The following CASK variants were observed in gnomAD, a reference collection of about 807,000 sequenced individuals.
CASK encodes calcium/calmodulin dependent serine protein kinase.
CASK carries 4 observed loss-of-function variants against 82.9 expected under a neutral mutation model. That is an observed-to-expected ratio of 0.05 (90% CI 0.02 to 0.11). The LOEUF (loss-of-function observed/expected upper bound fraction) is 0.11. Ranked by LOEUF, CASK falls within the 10% of genes least tolerant of loss-of-function variation. The pLI is 1.00. For synonymous variants in CASK, 259 were observed against 253.5 expected (o/e 1.02, Z -0.20); for missense variants, 358 against 720.9 (o/e 0.50, Z 5.76).
In CASK at chrX:41,910,081, G is replaced by A. The variant is rs555896312; in HGVS notation, c.59+12849C>T. Among the ~76,000 whole-genome samples the A allele has an allele frequency of 4.5e-5, 5 of 111,111 alleles. No individual in the cohort carries two copies. The South Asian group carries it at 1.9e-3, about 42-fold the overall frequency. ...TACTAAAAATACAAGACTAAGCCGG[G>A]CGTGGTGGTGCACATGTGTAGTCCC... On this transcript the variant is annotated intron_variant, in intron 1 of 26. Transcript: ENST00000378163.
chrX:41,760,680 T>C (rs1324991902), intron 3 of CASK, among the ~76,000 whole-genome samples: 1 of 111,150 alleles, frequency 9.0e-6, no homozygotes, highest in African/African-American at 3.3e-5. Context: ...GTTAGTTAAA[T>C]GGCCCCAGTT....
rs1341850264 is a variant in CASK at position 41,517,714 on chromosome X, AAAG to A, written c.*2703_*2705del. ...GTTCTGCTGATGGAATGGAAGCAGT[AAAG>A]AAGCTTTTAGCAATTTTCTCTGATT... is the stretch of plus-strand genomic sequence containing the variant. On this transcript the variant is annotated 3_prime_UTR_variant, in exon 27 of 27. Transcript: ENST00000378163. The A allele has an allele frequency of 1.8e-6, 1 of 568,309 alleles. No individual in the cohort carries two copies. The highest frequency in any genetic ancestry group is 2.3e-5 in the African/African-American group (1 of 43,573). The allele number at this position is 568,309 out of a possible 1,213,427, so 46.8% of individuals were successfully genotyped here.
chrX:41,730,432 G>C (rs922671914), intron 5 of CASK, among the ~76,000 whole-genome samples: 2 of 111,618 alleles, frequency 1.8e-5, no homozygotes, highest in African/African-American at 6.5e-5. Context: ...ATGCTTAACT[G>C]AGACATGAAA....
At chrX:41,736,627 TCTTA>T (rs1449429582) in intron 5 of CASK, among the ~76,000 whole-genome samples, 2 of 112,783 alleles carry the variant, frequency 1.8e-5, no homozygotes, top group African/African-American at 6.4e-5. Flanking sequence ...GGTGGTTTCT[TCTTA>T]CTTATTTGCA....
chrX:41,704,586 A>G (rs2067855070), intron 5 of CASK, among the ~76,000 whole-genome samples: 1 of 111,939 alleles, frequency 8.9e-6, no homozygotes, highest in Non-Finnish European at 1.9e-5. Context: ...GTGCTAGAAA[A>G]ATGTTGGTAT....
intron 10 of CASK, among the ~76,000 whole-genome samples, chrX:41,622,932 G>A (rs868772838): frequency 1.9e-5 from 2 of 105,038 alleles, no homozygotes; most frequent in Middle Eastern, 4.8e-3. Context: ...CCAGGCTGGA[G>A]TACAGTGGTG....
At chrX:41,888,332 AT>A (rs939839936) in intron 1 of CASK, among the ~76,000 whole-genome samples, 18 of 107,428 alleles carry the variant, frequency 1.7e-4, no homozygotes, top group Admixed American at 4.0e-4. Context: ...TGATTCATTT[AT>A]TTTTTTTTTA....
At chrX:41,613,906 T>C (rs1188667323) in intron 11 of CASK, among the ~76,000 whole-genome samples, 1 of 112,273 alleles carries the variant, frequency 8.9e-6, no homozygotes, top group Non-Finnish European at 1.9e-5. Context: ...TATTTAATTA[T>C]GTTAAAGATT....
At chrX:41,754,979 A>T (rs2147760588) in intron 3 of CASK, among the ~76,000 whole-genome samples, 1 of 107,786 alleles carries the variant, frequency 9.3e-6, no homozygotes, top group South Asian at 4.2e-4. Context: ...CCCGCGTTCA[A>T]GAGATTCTCC....
chrX:41,656,214 C>G (rs947504413), intron 8 of CASK, among the ~76,000 whole-genome samples: 2 of 111,757 alleles, frequency 1.8e-5, no homozygotes, highest in Non-Finnish European at 3.8e-5. Context: ...CACAAAATGC[C>G]AATAAGAACT....
intron 9 of CASK, among the ~76,000 whole-genome samples, chrX:41,632,498 C>T (rs996059011): frequency 1.4e-4 from 16 of 111,876 alleles, no homozygotes; most frequent in Non-Finnish European, 2.3e-4. Flanking sequence ...AATACAGTAG[C>T]CATCAGTCAC....
intron 16 of CASK, among the ~76,000 whole-genome samples, chrX:41,565,567 C>T (rs2065300005): frequency 9.0e-6 from 1 of 111,428 alleles, no homozygotes; most frequent in Admixed American, 9.5e-5. Context: ...AGACCAATAA[C>T]AGGCCGTGAA....
chrX:41,734,957 G>A (rs137907732), intron 5 of CASK, among the ~76,000 whole-genome samples: 1,195 of 111,187 alleles, frequency 0.011, 13 homozygotes, highest in Middle Eastern at 0.023. Flanking sequence ...AGATTACATG[G>A]TACCATATAT....
intron 1 of CASK, among the ~76,000 whole-genome samples, chrX:41,877,153 GT>G (rs1355126473): frequency 1.2e-4 from 13 of 111,597 alleles, no homozygotes. Context: ...TTATTCATAG[GT>G]TTTTCTGCTG....
rs371809219 is a variant in CASK, at chrX:41,532,062, A to C, written c.2318-853T>G. On this transcript the variant is annotated intron_variant, in intron 24 of 26. Coordinates refer to ENST00000378163, the MANE Select transcript of CASK (RefSeq NM_001367721.1). ...AGATTCTTGTGCCCTCAGCCTCCTG[A>C]GCAGCTGGGATTATAGGCGTGTACC... 3.6e-5 allele frequency among the ~76,000 whole-genome samples: 4 copies of C among 111,623 alleles called. No homozygotes were observed. The East Asian group carries it at 1.1e-3, about 31-fold the overall frequency.
chrX:41,814,017 G>C (rs2070361593), intron 2 of CASK, among the ~76,000 whole-genome samples: 1 of 112,305 alleles, frequency 8.9e-6, no homozygotes, highest in South Asian at 3.7e-4. Context: ...GGCCATCAGA[G>C]AAATGCAAAT....
chrX:41,578,618 T>A, intron 14 of CASK, 90 bp from the exon 15 acceptor site: 1 of 672,297 alleles, frequency 1.5e-6, no homozygotes, highest in Non-Finnish European at 2.3e-6. Flanking sequence ...AGACAGGGTC[T>A]CACTCTGTCA....
intron 1 of CASK, among the ~76,000 whole-genome samples, chrX:41,910,902 T>G (rs1056862378): frequency 3.6e-5 from 4 of 112,074 alleles, no homozygotes; most frequent in Admixed American, 1.9e-4. Flanking sequence ...AAGCTTTGCC[T>G]ATAATATGTA....
At position 41,583,337 on chromosome X, in the gene CASK, T is replaced by C. The variant is rs149974440; in HGVS notation, c.1314+3570A>G. On this transcript the variant is annotated intron_variant, in intron 14 of 26. Coordinates refer to ENST00000378163, the MANE Select transcript of CASK (RefSeq NM_001367721.1). ...TATATGTTAATTTATTTAGCTTACT[T>C]CAAATCTGAAAGATCTATTGGTCTC... Among the ~76,000 whole-genome samples, 24 of 112,395 alleles carry C rather than the reference T, an allele frequency of 2.1e-4. 1 individual carries two copies. In the East Asian group the frequency reaches 6.7e-3, roughly 31 times the overall value.
Sources: allele counts gnomAD v4.1 joint callset (sites outside exome capture counted in the v4.1 genomes callset), GRCh38; gene constraint gnomAD v4.1.1; transcripts MANE v1.5; gene names NCBI Gene and HGNC (gene_info 2026-07-23, HGNC 2026-07-21).